ARB2A: variants seen among roughly 807,000 people sequenced by gnomAD.
ARB2A encodes ARB2 cotranscriptional regulator A, also known as cotranscriptional regulator ARB2A.
the ARB2A span, among the ~76,000 whole-genome samples, chr5:93,674,220 C>G: frequency 6.6e-6 from 1 of 152,218 alleles, no homozygotes; most frequent in Admixed American, 6.5e-5. Flanking sequence ...ATGGCAAGGT[C>G]AGCCCTTTCA....
At chr5:94,046,215 T>G in the ARB2A span, among the ~76,000 whole-genome samples, 1 of 152,160 alleles carries the variant, frequency 6.6e-6, no homozygotes, top group African/African-American at 2.4e-5. Context: ...AGTTTAATTT[T>G]TTTTTATTAT....
the ARB2A span, among the ~76,000 whole-genome samples, chr5:93,830,311 G>GTGTATGTGTGTTTATA: frequency 1.2e-5 from 1 of 82,260 alleles, no homozygotes; most frequent in African/African-American, 5.2e-5. Context: ...GTGTGTGTGT[G>GTGTATGTGTGTTTATA]TATATATATA....
chr5:93,733,190 T>C, the ARB2A span: 1 of 151,030 alleles, frequency 6.6e-6, no homozygotes, highest in African/African-American at 2.4e-5. Context: ...CACAAACTTA[T>C]TTTCTTTTCT....
At chr5:93,700,558 T>C in the ARB2A span, among the ~76,000 whole-genome samples, 3 of 152,102 alleles carry the variant, frequency 2.0e-5, no homozygotes. Context: ...GCCAATGCTA[T>C]TATCTGAGTG....
At chr5:94,015,801 A>G in the ARB2A span, among the ~76,000 whole-genome samples, 2 of 152,266 alleles carry the variant, frequency 1.3e-5, no homozygotes, top group Middle Eastern at 3.4e-3. Context: ...AATATTCACT[A>G]AAATAAAAAG....
At chr5:93,894,973 G>A in the ARB2A span, among the ~76,000 whole-genome samples, 4 of 152,132 alleles carry the variant, frequency 2.6e-5, no homozygotes, top group Admixed American at 2.0e-4. Flanking sequence ...TTCAGAAATC[G>A]GGATAAATAC....
At chr5:93,765,861 C>G in the ARB2A span, among the ~76,000 whole-genome samples, 1 of 152,132 alleles carries the variant, frequency 6.6e-6, no homozygotes, top group Non-Finnish European at 1.5e-5. Context: ...TGGAACACAA[C>G]AGAGCCCTAT....
the ARB2A span, among the ~76,000 whole-genome samples, chr5:93,934,739 G>A: frequency 6.6e-6 from 1 of 152,196 alleles, no homozygotes. Flanking sequence ...GTAACCAGGA[G>A]GAGAAAGCCA....
At chr5:94,065,700 C>T in the ARB2A span, among the ~76,000 whole-genome samples, 1 of 152,198 alleles carries the variant, frequency 6.6e-6, no homozygotes, top group Non-Finnish European at 1.5e-5. Context: ...CATATATGCA[C>T]TCAACACTGG....
the ARB2A span, among the ~76,000 whole-genome samples, chr5:94,104,901 A>G: frequency 6.6e-6 from 1 of 152,104 alleles, no homozygotes; most frequent in Non-Finnish European, 1.5e-5. Flanking sequence ...AACAAAAACC[A>G]TATGATCATC....
the ARB2A span, among the ~76,000 whole-genome samples, chr5:93,969,647 A>C: frequency 0.32 from 48,754 of 151,952 alleles, 8,114 homozygotes; most frequent in South Asian, 0.54. Context: ...ACACAGAAAT[A>C]AGGAAAATGA....
chr5:93,907,864 T>C, the ARB2A span, among the ~76,000 whole-genome samples: 1 of 151,352 alleles, frequency 6.6e-6, no homozygotes, highest in East Asian at 1.9e-4. Flanking sequence ...TTTGCTTCTG[T>C]TTTAATATTT....
the ARB2A span, chr5:93,737,119 G>A: frequency 6.6e-6 from 1 of 152,110 alleles, no homozygotes; most frequent in African/African-American, 2.4e-5. Context: ...ATCAACACAG[G>A]AAAATCAGTT....
chr5:93,790,619 T>C, the ARB2A span, among the ~76,000 whole-genome samples: 3 of 152,194 alleles, frequency 2.0e-5, no homozygotes, highest in Non-Finnish European at 4.4e-5. Context: ...GTAGTTCTAC[T>C]TTCCTCCCAC....
chr5:93,717,911 T>C, the ARB2A span, among the ~76,000 whole-genome samples: 3 of 151,126 alleles, frequency 2.0e-5, no homozygotes, highest in Non-Finnish European at 2.9e-5. Flanking sequence ...CTTGGCTAAC[T>C]GCAACCTCCA....
the ARB2A span, among the ~76,000 whole-genome samples, chr5:93,783,783 T>C: frequency 6.6e-6 from 1 of 152,196 alleles, no homozygotes; most frequent in African/African-American, 2.4e-5. Context: ...GCATATTCAA[T>C]GAATCCTTGT....
the ARB2A span, among the ~76,000 whole-genome samples, chr5:93,695,831 T>C: frequency 1.3e-5 from 2 of 152,144 alleles, no homozygotes; most frequent in Admixed American, 6.6e-5. Context: ...GTGGCACATA[T>C]ACACTATGGA....
chr5:94,035,099 G>A, the ARB2A span, among the ~76,000 whole-genome samples: 1 of 152,102 alleles, frequency 6.6e-6, no homozygotes, highest in South Asian at 2.1e-4. Flanking sequence ...TCTAGGGCTC[G>A]TCTTTTATTT....
the ARB2A span, among the ~76,000 whole-genome samples, chr5:93,812,228 T>A: frequency 6.6e-6 from 1 of 152,106 alleles, no homozygotes; most frequent in Non-Finnish European, 1.5e-5. Context: ...ACCTGAAAAT[T>A]TGAGGCTGAG....
Sources: allele counts gnomAD v4.1 joint callset (sites outside exome capture counted in the v4.1 genomes callset), GRCh38; gene constraint gnomAD v4.1.1; transcripts MANE v1.5; gene names NCBI Gene and HGNC (gene_info 2026-07-23, HGNC 2026-07-21).